HOXD3: variants seen among roughly 807,000 people sequenced by gnomAD.
HOXD3 encodes the protein homeobox protein Hox-D3.
Under a neutral mutation model 32.8 loss-of-function variants are expected in HOXD3, and 13 were observed. The ratio of observed to expected loss-of-function variants is 0.40; its 90% CI spans 0.26 to 0.63. The LOEUF is 0.63. Ranked by LOEUF, HOXD3 falls within the 20% of genes least tolerant of loss-of-function variation. The pLI is 0.44. For missense variants in HOXD3, 504 were observed against 577.1 expected (o/e 0.87, Z 1.30); for synonymous variants, 241 against 246.8 (o/e 0.98, Z 0.22).
chr2:176,160,829 G>A (rs990385159), intron 1 of HOXD3: 1 of 152,250 alleles, frequency 6.6e-6, no homozygotes, highest in African/African-American at 2.4e-5. Context: ...GGACCGATGG[G>A]CGCGCAGCGC....
At chr2:176,162,200 A>G (rs1008913304) in intron 1 of HOXD3, among the ~76,000 whole-genome samples, 1 of 152,162 alleles carries the variant, frequency 6.6e-6, no homozygotes, top group African/African-American at 2.4e-5. Flanking sequence ...GTCGCTGGAC[A>G]TTTTTCTTTG....
At chr2:176,152,857 C>T, upstream of HOXD3, 1 of 1,614,188 alleles carries the variant, frequency 6.2e-7, no homozygotes, top group South Asian at 1.1e-5. This position sits in a 1 kb window ranked among gnomAD's most constrained non-coding sequence, Gnocchi z 5.2. Context: ...TCATCTTCCT[C>T]CTCATCTTGC....
intron 1 of HOXD3, among the ~76,000 whole-genome samples, chr2:176,161,811 C>T (rs148780435): frequency 1.3e-5 from 2 of 152,324 alleles, no homozygotes; most frequent in Non-Finnish European, 2.9e-5. Context: ...GTTTCTAGGT[C>T]CTTCTCCCCA....
upstream of HOXD3, chr2:176,152,879 C>T: frequency 6.2e-7 from 1 of 1,614,190 alleles, no homozygotes. This position sits in a 1 kb window ranked among gnomAD's most constrained non-coding sequence, Gnocchi z 5.2. Flanking sequence ...CCTCCTCAGT[C>T]GCCCCCAGCC....
Position 176,171,889 on chromosome 2 carries a change from C to T in HOXD3, c.914C>T (p.Ser305Leu). ...DAPSPPAFAK[S>L]QPNMYGLAAY... ...CCCTCGCCGCCTGCTTTCGCCAAAT[C>T]ACAGCCCAATATGTACGGCCTGGCC... Residue 305 changes from serine to leucine, a missense_variant, in exon 4 of 4, where the codon TCA becomes TTA. Ser to Leu is a moderately radical substitution (Grantham distance 145). Coordinates refer to ENST00000683222, the MANE Select transcript of HOXD3 (RefSeq NM_006898.5). 1.2e-6 allele frequency: 2 copies of T among 1,605,862 alleles called. No individual in the cohort carries two copies. The highest frequency in any genetic ancestry group is 8.5e-7 in the Non-Finnish European group (1 of 1,176,692).
At position 176,171,860 on chromosome 2, in the gene HOXD3, C is replaced by T; in HGVS notation, c.885C>T (p.Asp295=). 1.9e-6 allele frequency: 3 copies of T among 1,601,052 alleles called. No homozygotes were observed. The highest frequency in any genetic ancestry group is 2.6e-6 in the Non-Finnish European group (3 of 1,174,120). The stretch of plus-strand genomic sequence containing the variant: ...CGCCAGTGCCCGGCCTGGCCTACGA[C>T]GCGCCCTCGCCGCCTGCTTTCGCCA... ...QLPPVPGLAY[D]APSPPAFAKS... Residue 295 remains aspartate, a synonymous_variant, in exon 4 of 4, where the codon GAC becomes GAT. Transcript: ENST00000683222.
At position 176,169,263 on chromosome 2, in the gene HOXD3, A is replaced by AC. The variant is rs1157673726; in HGVS notation, c.152dup (p.Pro52ThrfsTer11). 1 of 1,613,580 alleles carries AC rather than the reference A, an allele frequency of 6.2e-7. No homozygotes were observed. Among genetic ancestry groups the AC allele is most frequent in the Non-Finnish European group, 8.5e-7 (1 of 1,179,700 alleles). On this transcript the variant is annotated frameshift_variant, in exon 3 of 4. Coordinates refer to ENST00000683222, the MANE Select transcript of HOXD3 (RefSeq NM_006898.5). LOFTEE classifies it high-confidence loss of function. ...GGCTACAGCACCCCCCACCAGCCCT[A>AC]CCCACCCCCTGCTGCTGCCAGCTCC... is the stretch of plus-strand genomic sequence containing the variant.
Position 176,169,639 on chromosome 2 carries a change from C to T in HOXD3, c.525C>T (p.Asn175=), listed in dbSNP as rs925480876. ...CTCGACAGAACTCCAAGCAGAAGAA[C>T]AGCTGTGCCACTGCAGGTAGCTCCC... ...KESRQNSKQK[N]SCATAGESCE... Residue 175 remains asparagine (N), a synonymous_variant, in exon 3 of 4, where the codon AAC becomes AAT. Coordinates refer to ENST00000683222, the MANE Select transcript of HOXD3 (RefSeq NM_006898.5). The T allele has an allele frequency of 6.3e-7, 1 of 1,599,410 alleles. No homozygotes were observed. Among genetic ancestry groups the T allele is most frequent in the Middle Eastern group, 1.7e-4 (1 of 6,012 alleles).
chr2:176,172,118 C>T lies in HOXD3; in HGVS notation c.1143C>T (p.His381=). Residue 381 remains histidine, a synonymous_variant, in exon 4 of 4, where the codon CAC becomes CAT. Coordinates refer to ENST00000683222, the MANE Select transcript of HOXD3 (RefSeq NM_006898.5). ...TCTTCAACCTGGGCCACCTCTCGCA[C>T]CCGTCGTCGGCCAGCGTGGACTACA... ...GPVFNLGHLS[H]PSSASVDYSC... is the part of the protein sequence containing the mutation. 6.2e-7 allele frequency: 1 copy of T among 1,613,052 alleles called. No homozygotes were observed. Among genetic ancestry groups the T allele is most frequent in the Non-Finnish European group, 8.5e-7 (1 of 1,179,968 alleles).
upstream of HOXD3, chr2:176,153,118 A>G: frequency 2.8e-5 from 10 of 362,306 alleles, no homozygotes; most frequent in East Asian, 2.2e-4. Flanking sequence ...CCCTCCCTAG[A>G]GCGGGATGGG....
In HOXD3 at chr2:176,172,832, G is replaced by A. The variant is rs1691243681; in HGVS notation, c.*558G>A. 6.5e-6 allele frequency: 1 copy of A among 153,566 alleles called. No homozygotes were observed. The highest frequency in any genetic ancestry group is 6.5e-5 in the Admixed American group (1 of 15,446). The allele number at this position is 153,566 out of a possible 1,614,324, so 9.5% of individuals were successfully genotyped here. ...CTTAGGAATTCGCTTCCAGGCCGTG[G>A]GGGCCACATTTCACCTCCTTAGTCC... On this transcript the variant is annotated 3_prime_UTR_variant, in exon 4 of 4. Transcript: ENST00000683222.
intron 3 of HOXD3, among the ~76,000 whole-genome samples, 170 bp downstream of exon 3, chr2:176,169,825 CAG>C (rs1025949604): frequency 6.6e-5 from 10 of 152,314 alleles, no homozygotes; most frequent in Admixed American, 6.5e-4. Context: ...CTTGCAGTGA[CAG>C]GGTGCTCCCT....
chr2:176,162,294 G>A (rs114118799), intron 1 of HOXD3, among the ~76,000 whole-genome samples: 32 of 152,328 alleles, frequency 2.1e-4, no homozygotes, highest in African/African-American at 7.2e-4. Context: ...GCCCCATGGA[G>A]CATTCACTTA....
At chr2:176,161,188 T>C (rs1690790944) in intron 1 of HOXD3, 2 of 152,248 alleles carry the variant, frequency 1.3e-5, no homozygotes, top group Admixed American at 6.5e-5. Context: ...TCTTGATTAT[T>C]GCCAATTGGT....
intron 2 of HOXD3, among the ~76,000 whole-genome samples, chr2:176,168,491 C>A (rs912368815): frequency 6.6e-6 from 1 of 152,044 alleles, no homozygotes; most frequent in Non-Finnish European, 1.5e-5. Flanking sequence ...TTGCTTGAAC[C>A]CAGAGGCGTA....
upstream of HOXD3, chr2:176,153,048 G>A (rs1357041527): frequency 2.6e-6 from 3 of 1,139,602 alleles, no homozygotes; most frequent in African/African-American, 3.1e-5. Flanking sequence ...GTACTGTGGG[G>A]TGGACCTGGG....
intron 3 of HOXD3, among the ~76,000 whole-genome samples, chr2:176,170,547 TG>T (rs1344921886): frequency 2.6e-5 from 4 of 152,218 alleles, no homozygotes; most frequent in Non-Finnish European, 5.9e-5. Context: ...GTATCTGATG[TG>T]GTTTATCTTC....
intron 3 of HOXD3, 34 bp from the exon 4 acceptor site, chr2:176,171,483 G>A (rs2857535): frequency 0.42 from 640,755 of 1,543,166 alleles, 142,682 homozygotes; most frequent in East Asian, 0.76. Context: ...CCACCCACTC[G>A]CTCAGCGCCC....
chr2:176,152,719 G>A, upstream of HOXD3: 1 of 1,614,164 alleles, frequency 6.2e-7, no homozygotes, highest in Non-Finnish European at 8.5e-7. The surrounding 1 kb of genome is among the most constrained non-coding windows in gnomAD (Gnocchi z 5.2). Flanking sequence ...CTGACAAGGC[G>A]CCGTCGGATT....
Sources: gnomAD v4.1 joint callset for allele counts (sites outside exome capture counted in the v4.1 genomes callset) on GRCh38, gnomAD v4.1.1 for gene constraint, Gnocchi (gnomAD v3.1) non-coding constraint, MANE v1.5 for transcripts, NCBI Gene and HGNC (gene_info 2026-07-23, HGNC 2026-07-21) for gene names.